OSBPL10: variants seen among roughly 807,000 people sequenced by gnomAD.
OSBPL10 encodes oxysterol-binding protein-related protein 10.
A neutral mutation model predicts 81.7 loss-of-function variants in OSBPL10; 49 were observed. That is an observed-to-expected ratio of 0.60 (90% CI 0.48 to 0.76). The LOEUF (loss-of-function observed/expected upper bound fraction) is 0.76, where lower values mean the gene tolerates loss of function less well. Among genes scored for constraint, OSBPL10 ranks in the 30% least tolerant of loss-of-function variants. The pLI is 0.00. For missense variants in OSBPL10, 923 were observed against 987.8 expected (o/e 0.93, Z 0.88); for synonymous variants, 419 against 383.6 (o/e 1.09, Z -1.08).
intron 1 of OSBPL10, among the ~76,000 whole-genome samples, chr3:32,048,610 CT>C (rs1699644699): frequency 1.3e-5 from 2 of 152,124 alleles, no homozygotes; most frequent in African/African-American, 4.8e-5. Context: ...CCCAGCCTCT[CT>C]TAGACACTAT....
At chr3:31,789,045 C>T (rs957912999) in intron 4 of OSBPL10, among the ~76,000 whole-genome samples, 4 of 151,820 alleles carry the variant, frequency 2.6e-5, no homozygotes, top group African/African-American at 9.7e-5. Flanking sequence ...GTGGCGCGAT[C>T]TTGGCTCACT....
At chr3:31,806,513 T>C (rs1575556981) in intron 4 of OSBPL10, among the ~76,000 whole-genome samples, 1 of 152,244 alleles carries the variant, frequency 6.6e-6, no homozygotes, top group Non-Finnish European at 1.5e-5. Context: ...CTTCTTTTGA[T>C]ACATATCTAT....
chr3:31,963,827 C>A (rs761123224), intron 1 of OSBPL10, among the ~76,000 whole-genome samples: 2 of 151,968 alleles, frequency 1.3e-5, no homozygotes, highest in Non-Finnish European at 2.9e-5. Flanking sequence ...ACCTTCCACA[C>A]CCTCCCAATT....
intron 2 of OSBPL10, among the ~76,000 whole-genome samples, chr3:32,023,944 C>T (rs1172718777): frequency 6.6e-6 from 1 of 152,156 alleles, no homozygotes; most frequent in African/African-American, 2.4e-5. Flanking sequence ...TAATAAGAAT[C>T]TTAAACCGAT....
intron 4 of OSBPL10, among the ~76,000 whole-genome samples, chr3:31,756,509 AC>A (rs2125712869): frequency 6.6e-6 from 1 of 152,346 alleles, no homozygotes; most frequent in South Asian, 2.1e-4. Context: ...AGTGCTGTTA[AC>A]ATTCTGGTAT....
chr3:32,067,355 G>A (rs1457602451), intron 1 of OSBPL10, among the ~76,000 whole-genome samples: 1 of 152,156 alleles, frequency 6.6e-6, no homozygotes, highest in Non-Finnish European at 1.5e-5. Flanking sequence ...GGAGGGTCGT[G>A]TTCTCTCATC....
chr3:31,695,236 G>A (rs572055854), intron 7 of OSBPL10, among the ~76,000 whole-genome samples: 6 of 152,264 alleles, frequency 3.9e-5, no homozygotes, highest in Admixed American at 6.5e-5. Flanking sequence ...TACACTGTTC[G>A]AGGTTTTTCT....
chr3:31,999,141 C>A (rs964774153), intron 2 of OSBPL10, among the ~76,000 whole-genome samples: 1 of 152,168 alleles, frequency 6.6e-6, no homozygotes, highest in African/African-American at 2.4e-5. Context: ...CCTCTGCTGT[C>A]TGGAGGGCAT....
In OSBPL10 at chr3:32,037,567, G is replaced by T. The variant is rs1331914762; in HGVS notation, n.298+8924C>A. On this transcript the variant is annotated intron_variant and non_coding_transcript_variant, in intron 2 of 3. Coordinates refer to the OSBPL10 transcript ENST00000479173. ...GTCTTGTGAGGCTGTGAAACCAAGA[G>T]CTCTTAACACTGCGACCAAAGATGG... The T allele has an allele frequency of 2.6e-5, 6 of 235,222 alleles. No homozygotes were observed. The Admixed American group carries it at 2.9e-4, about 11-fold the overall frequency. The allele number at this position is 235,222 out of a possible 1,614,324, so 14.6% of individuals were successfully genotyped here.
chr3:31,722,828 C>G (rs1291549501), intron 6 of OSBPL10, among the ~76,000 whole-genome samples: 1 of 152,054 alleles, frequency 6.6e-6, no homozygotes, highest in Non-Finnish European at 1.5e-5. Flanking sequence ...GGGCTAAATA[C>G]ATTTGCTGTA....
chr3:31,781,069 A>G (rs561832668), intron 4 of OSBPL10, among the ~76,000 whole-genome samples: 39 of 152,280 alleles, frequency 2.6e-4, no homozygotes, highest in African/African-American at 8.7e-4. Context: ...CCTCAACAAA[A>G]TATTAGCTAA....
At chr3:31,796,599 T>G (rs1167200634) in intron 4 of OSBPL10, among the ~76,000 whole-genome samples, 2 of 152,268 alleles carry the variant, frequency 1.3e-5, no homozygotes, top group African/African-American at 4.8e-5. Flanking sequence ...CTACTGACAT[T>G]TTAGGTCAGA....
rs374885436 is a variant in OSBPL10, at chr3:32,041,647, CTT to C, written n.298+4842_298+4843del. On this transcript the variant is annotated intron_variant and non_coding_transcript_variant, in intron 2 of 3. Coordinates refer to the OSBPL10 transcript ENST00000479173. ...TTTCTTTCTTTCTTTCTCTTTCTTT[CTT>C]TTTCTTTCTTTCTTTCTTTTTTCTT... 1.2e-4 allele frequency among the ~76,000 whole-genome samples: 4 copies of C among 32,396 alleles called. No individual in the cohort carries two copies. In the South Asian group the frequency reaches 6.6e-3, roughly 53 times the overall value. The allele number at this position is 32,396 out of a possible 152,430, so 21.3% of individuals were successfully genotyped here. A position where few individuals can be genotyped will look rare whatever the true frequency, so the allele number is the denominator to read the frequency against.
chr3:32,007,520 G>C (rs1351460296), intron 2 of OSBPL10, among the ~76,000 whole-genome samples: 1 of 152,064 alleles, frequency 6.6e-6, no homozygotes, highest in African/African-American at 2.4e-5. Context: ...GTGTCTTCCA[G>C]CTCCTGGTGA....
At chr3:31,875,572 A>T (rs1440589961) in intron 3 of OSBPL10, among the ~76,000 whole-genome samples, 34 of 148,320 alleles carry the variant, frequency 2.3e-4, no homozygotes, top group African/African-American at 8.0e-4. Context: ...AAAAAAAAAA[A>T]GCATTATGAA....
At chr3:31,737,490 A>C (rs992220465) in intron 5 of OSBPL10, among the ~76,000 whole-genome samples, 3 of 152,328 alleles carry the variant, frequency 2.0e-5, no homozygotes, top group Non-Finnish European at 4.4e-5. Context: ...CCAGAAGAAG[A>C]AAACAGGCTG....
chr3:31,886,964 CA>C (rs1695754455), intron 1 of OSBPL10, among the ~76,000 whole-genome samples: 1 of 151,796 alleles, frequency 6.6e-6, no homozygotes, highest in African/African-American at 2.4e-5. Flanking sequence ...AACCCTTCTC[CA>C]TGTGGGATAG....
At chr3:31,709,541 T>G (rs1696187735) in intron 6 of OSBPL10, among the ~76,000 whole-genome samples, 2 of 152,164 alleles carry the variant, frequency 1.3e-5, no homozygotes, top group Admixed American at 6.5e-5. Context: ...ATTTCTACAT[T>G]TCTGATTAGA....
chr3:31,863,234 G>T (rs1230874722), intron 3 of OSBPL10, among the ~76,000 whole-genome samples: 1 of 152,148 alleles, frequency 6.6e-6, no homozygotes, highest in Non-Finnish European at 1.5e-5. Flanking sequence ...AGAGACAGTG[G>T]TTAGTGGTTG....
Sources: allele counts gnomAD v4.1 joint callset (sites outside exome capture counted in the v4.1 genomes callset), GRCh38; gene constraint gnomAD v4.1.1; transcripts MANE v1.5; gene names NCBI Gene and HGNC (gene_info 2026-07-23, HGNC 2026-07-21).